Variants in NUDT6 observed in about 807,000 individuals in gnomAD.
NUDT6 encodes the protein nudix hydrolase 6, also known as FAD diphosphatase NUDT6.
A neutral mutation model predicts 36.8 loss-of-function variants in NUDT6; 24 were observed. The ratio of observed to expected loss-of-function variants is 0.65; its 90% CI spans 0.47 to 0.92. The LOEUF is 0.92. NUDT6 is among the 40% of genes least tolerant of loss of function. The pLI is 0.00. For missense variants in NUDT6, 388 were observed against 392.8 expected, an observed-to-expected ratio of 0.99 and a Z score of 0.10; for synonymous variants, 163 against 157.0, an observed-to-expected ratio of 1.04 and a Z score of -0.29.
intron 3 of NUDT6, among the ~76,000 whole-genome samples, chr4:122,901,939 C>T (rs966133247): frequency 2.0e-5 from 3 of 152,186 alleles, no homozygotes; most frequent in African/African-American, 4.8e-5. Flanking sequence ...AGGGCACAGA[C>T]CTGCTAGCCT....
At position 122,917,485 on chromosome 4, in the gene NUDT6, T is replaced by G. The variant is rs778925667; in HGVS notation, c.442+16A>C. On this transcript the variant is annotated intron_variant, in intron 2 of 4. Transcript: ENST00000304430. ...TCTAAAAAGTTAATTCTGCTCATCA[T>G]GAGTTTGAAACTGACCTGCAACTCC... 1.1e-5 allele frequency: 18 copies of G among 1,608,844 alleles called. No homozygotes were observed. Among genetic ancestry groups the G allele is most frequent in the East Asian group, 2.2e-5 (1 of 44,868 alleles).
chr4:122,915,678 C>T (rs58455876), intron 2 of NUDT6, among the ~76,000 whole-genome samples: 6,738 of 152,084 alleles, frequency 0.044, 487 homozygotes, highest in African/African-American at 0.15. Context: ...TATCAACAGG[C>T]CCTTCATAGG....
intron 4 of NUDT6, chr4:122,893,918 G>C (rs1311871436): frequency 6.6e-6 from 1 of 152,182 alleles, no homozygotes; most frequent in African/African-American, 2.4e-5. Context: ...TTGCTGGAAA[G>C]CTTCACAATT....
At chr4:122,908,887 C>T (rs1727675571) in intron 3 of NUDT6, among the ~76,000 whole-genome samples, 1 of 152,082 alleles carries the variant, frequency 6.6e-6, no homozygotes, top group Non-Finnish European at 1.5e-5. Flanking sequence ...AAAGTTCAGC[C>T]ATCTCAGTGA....
chr4:122,921,683 T>G (rs1414464145), intron 1 of NUDT6: 2 of 150,738 alleles, frequency 1.3e-5, no homozygotes, highest in African/African-American at 2.5e-5. Flanking sequence ...TGGTGATGAG[T>G]ATCTCATTTA....
intron 3 of NUDT6, among the ~76,000 whole-genome samples, chr4:122,901,857 C>A (rs1727530402): frequency 6.6e-6 from 1 of 152,086 alleles, no homozygotes. Context: ...AAATCCTAAC[C>A]AGAAGTTTGT....
intron 3 of NUDT6, among the ~76,000 whole-genome samples, chr4:122,899,008 A>T (rs1727449893): frequency 7.0e-6 from 1 of 141,894 alleles, no homozygotes; most frequent in African/African-American, 2.6e-5. Flanking sequence ...CAGCCTCCTG[A>T]ATAGTTGGGA....
chr4:122,916,271 A>C (rs1390881701), intron 2 of NUDT6, among the ~76,000 whole-genome samples: 1 of 152,178 alleles, frequency 6.6e-6, no homozygotes, highest in East Asian at 1.9e-4. Context: ...CAATGTGAGA[A>C]TCTGTGTCTT....
At chr4:122,893,862 A>G (rs1727266058) in intron 4 of NUDT6, 1 of 152,142 alleles carries the variant, frequency 6.6e-6, no homozygotes, top group Admixed American at 6.5e-5. Context: ...TTGTCTCCCA[A>G]AGTATTTAGG....
chr4:122,920,503 G>A (rs765134761), intron 1 of NUDT6: 4 of 152,128 alleles, frequency 2.6e-5, no homozygotes, highest in African/African-American at 7.2e-5. Flanking sequence ...TTTGATCAAC[G>A]CATCTATCCA....
intron 2 of NUDT6, among the ~76,000 whole-genome samples, chr4:122,915,496 A>T (rs1212919202): frequency 7.4e-6 from 1 of 134,832 alleles, no homozygotes; most frequent in African/African-American, 2.8e-5. Flanking sequence ...AAAAAAAAAA[A>T]AACAACTCTG....
intron 3 of NUDT6, among the ~76,000 whole-genome samples, chr4:122,911,463 T>C (rs1212304501): frequency 6.6e-6 from 1 of 152,182 alleles, no homozygotes; most frequent in South Asian, 2.1e-4. Flanking sequence ...AATTCAAATA[T>C]AAAACTTATT....
rs1262548268 is a variant in NUDT6, at chr4:122,892,973, C to T, written c.806G>A (p.Arg269Lys). 2 of 1,614,036 alleles carry T rather than the reference C, an allele frequency of 1.2e-6. No homozygotes were observed. The highest frequency in any genetic ancestry group is 1.7e-6 in the Non-Finnish European group (2 of 1,180,038). ...TTCTCTGTACCCATACAGCAGCAGC[C>T]TAGCAACTCTGCTGGTGATGGGAGT... ...NTTPITSRVA[R>K]LLLYGYREGF... The change falls in exon 5 of 5, where the codon AGG (arginine) becomes AAG (lysine). Residue 269 changes from arginine to lysine, a missense_variant. Coordinates refer to ENST00000304430, the MANE Select transcript of NUDT6 (RefSeq NM_007083.5).
intron 4 of NUDT6, 173 bp downstream of exon 4, chr4:122,897,451 A>T: frequency 1.6e-6 from 1 of 630,232 alleles, no homozygotes; most frequent in Non-Finnish European, 2.9e-6. Flanking sequence ...AAACTGTAAT[A>T]TTAGAAATTA....
intron 4 of NUDT6, 59 bp downstream of exon 4, chr4:122,897,565 G>C: frequency 8.3e-7 from 1 of 1,205,384 alleles, no homozygotes. Flanking sequence ...AAGCAAGAAA[G>C]TAAACACATT....
intron 3 of NUDT6, among the ~76,000 whole-genome samples, chr4:122,909,606 G>A (rs575650229): frequency 7.5e-4 from 109 of 145,750 alleles, no homozygotes; most frequent in Non-Finnish European, 1.3e-3. Context: ...CTAAAGGCCA[G>A]AACAGAGCCT....
chr4:122,913,310 G>A (rs1727767201), intron 2 of NUDT6: 1 of 152,158 alleles, frequency 6.6e-6, no homozygotes, highest in African/African-American at 2.4e-5. Context: ...TCCTCACATA[G>A]TGAAAGGGGC....
At chr4:122,915,021 G>C (rs1727801088) in intron 2 of NUDT6, among the ~76,000 whole-genome samples, 1 of 152,112 alleles carries the variant, frequency 6.6e-6, no homozygotes, top group African/African-American at 2.4e-5. Flanking sequence ...CTAACAGAAG[G>C]GTCAGGGGCT....
chr4:122,898,628 A>G (rs1442101363), intron 3 of NUDT6, among the ~76,000 whole-genome samples: 2 of 152,194 alleles, frequency 1.3e-5, no homozygotes, highest in African/African-American at 4.8e-5. Flanking sequence ...GACCAGTGGC[A>G]TGGTTCCCAG....
Sources: gnomAD v4.1 joint callset for allele counts (sites outside exome capture counted in the v4.1 genomes callset) on GRCh38, gnomAD v4.1.1 for gene constraint, MANE v1.5 for transcripts, NCBI Gene and HGNC (gene_info 2026-07-23, HGNC 2026-07-21) for gene names.